Variants in RARS2 observed in about 807,000 individuals in gnomAD.
The protein encoded by RARS2 is probable arginine--tRNA ligase, mitochondrial.
A neutral mutation model predicts 88.5 loss-of-function variants in RARS2; 67 were observed. The ratio of observed to expected loss-of-function variants is 0.76; its 90% CI spans 0.62 to 0.93. The LOEUF (loss-of-function observed/expected upper bound fraction) is 0.93. Among genes scored for constraint, RARS2 ranks in the 40% least tolerant of loss-of-function variants. The probability of loss-of-function intolerance (pLI) is 0.00; values close to 1 mark genes in which losing one functional copy is unlikely to be tolerated. For missense variants in RARS2, 664 were observed against 684.2 expected (o/e 0.97, Z 0.33); for synonymous variants, 239 against 230.3 (o/e 1.04, Z -0.34).
chr6:87,530,985 A>G, intron 8 of RARS2, 43 bp from the exon 9 acceptor site: 1 of 1,610,996 alleles, frequency 6.2e-7, no homozygotes, highest in Non-Finnish European at 8.5e-7. Context: ...ATAACAGGTC[A>G]TTGTTATCTC....
chr6:87,518,643 C>T lies in RARS2; in HGVS notation c.1402G>A (p.Ala468Thr), dbSNP rs752396603. 1.1e-5 allele frequency: 18 copies of T among 1,612,504 alleles called. No individual in the cohort carries two copies. In the South Asian group the frequency reaches 1.5e-4, roughly 14 times the overall value. The change falls in exon 16 of 20, where the codon GCC becomes ACC. Residue 468 changes from alanine (A) to threonine (T), a missense_variant. Ala to Thr is a moderately conservative substitution (Grantham distance 58, BLOSUM62 0). Coordinates refer to ENST00000369536, the MANE Select transcript of RARS2 (RefSeq NM_020320.5). ...DTGVFLQYTH[A>T]RLHSLEETFG... ...GCCTCTTCTCACCTGTGGAGGCGGG[C>T]GTGTGTGTACTGTAGGAAGACTCCT...
intron 10 of RARS2, among the ~76,000 whole-genome samples, chr6:87,527,372 T>A (rs979565271): frequency 6.6e-6 from 1 of 152,142 alleles, no homozygotes; most frequent in Admixed American, 6.5e-5. Flanking sequence ...CATATCCATA[T>A]GCAGAAGAAT....
chr6:87,523,778 T>C (rs185924247), intron 11 of RARS2, among the ~76,000 whole-genome samples: 187 of 152,306 alleles, frequency 1.2e-3, no homozygotes, highest in Non-Finnish European at 1.7e-3. Context: ...CACTGTGCAA[T>C]AGTTTATTTA....
intron 4 of RARS2, 58 bp from the exon 5 acceptor site, chr6:87,555,563 T>A: frequency 7.6e-7 from 1 of 1,311,702 alleles, no homozygotes; most frequent in Non-Finnish European, 1.1e-6. Flanking sequence ...TTAATTACTC[T>A]GTTACTGAGA....
At chr6:87,535,850 G>A (rs1164973571) in intron 8 of RARS2, among the ~76,000 whole-genome samples, 1 of 150,316 alleles carries the variant, frequency 6.7e-6, no homozygotes, top group East Asian at 1.9e-4. Context: ...CTAATTATTT[G>A]TATTTTTTTT....
chr6:87,540,026 T>C (rs929064824), intron 8 of RARS2, among the ~76,000 whole-genome samples: 1 of 152,118 alleles, frequency 6.6e-6, no homozygotes, highest in African/African-American at 2.4e-5. Flanking sequence ...TTCCTCCCTA[T>C]CAATAAAACT....
intron 7 of RARS2, 94 bp from the exon 8 acceptor site, chr6:87,542,088 C>T (rs1014873382): frequency 5.0e-5 from 47 of 947,128 alleles, no homozygotes; most frequent in Non-Finnish European, 3.0e-5. Flanking sequence ...AAAGACCAAC[C>T]TGTCATATTA....
At chr6:87,515,222 T>C (rs1771174603) in intron 18 of RARS2, among the ~76,000 whole-genome samples, 1 of 152,182 alleles carries the variant, frequency 6.6e-6, no homozygotes. Context: ...AGGTGGGCAA[T>C]TCTTAAGATT....
intron 5 of RARS2, among the ~76,000 whole-genome samples, chr6:87,555,113 A>G (rs1215687397): frequency 6.8e-6 from 1 of 147,236 alleles, no homozygotes. Context: ...ATAAATAAAT[A>G]AATAAATAAA....
intron 8 of RARS2, among the ~76,000 whole-genome samples, chr6:87,540,105 A>C (rs1411719191): frequency 6.6e-6 from 1 of 152,140 alleles, no homozygotes; most frequent in East Asian, 1.9e-4. Flanking sequence ...TTTAGAGTGC[A>C]GTGTTGGCAT....
intron 3 of RARS2, 84 bp from the exon 4 acceptor site, chr6:87,562,869 C>T: frequency 9.5e-7 from 1 of 1,048,354 alleles, no homozygotes; most frequent in African/African-American, 1.6e-5. Context: ...TTTTGGCTTA[C>T]AAAGACACAA....
chr6:87,548,767 AT>A (rs2128127307), intron 5 of RARS2, 121 bp from the exon 6 acceptor site: 1 of 877,818 alleles, frequency 1.1e-6, no homozygotes, highest in East Asian at 2.7e-5. Flanking sequence ...TAGGGCAAAG[AT>A]AAGTTAAAAG....
At position 87,534,519 on chromosome 6, in the gene RARS2, A is replaced by G. The variant is rs143839059; in HGVS notation, c.613-3577T>C. On this transcript the variant is annotated intron_variant, in intron 8 of 19. Coordinates refer to ENST00000369536, the MANE Select transcript of RARS2 (RefSeq NM_020320.5). ...ATAAAAGTATTTTTTGCACATTTCA[A>G]TGGTGTCAGATATTTACTCAGCTAT... is the stretch of plus-strand genomic sequence containing the variant. Among the ~76,000 whole-genome samples the G allele has an allele frequency of 6.8e-4, 104 of 152,312 alleles. 2 individuals are homozygous for G. In the East Asian group the frequency reaches 0.013, roughly 18 times the overall value.
intron 2 of RARS2, among the ~76,000 whole-genome samples, chr6:87,567,255 A>AAAAC (rs59804373): frequency 0.84 from 127,757 of 151,802 alleles, 54,372 homozygotes; most frequent in African/African-American, 0.96. Context: ...CCGCCTCAAA[A>AAAAC]AAACAAAGAA....
chr6:87,584,121 C>T (rs768930169), intron 1 of RARS2, among the ~76,000 whole-genome samples: 3 of 152,114 alleles, frequency 2.0e-5, no homozygotes, highest in Non-Finnish European at 4.4e-5. Context: ...GCTTACTGCC[C>T]ATTATAAAAG....
At chr6:87,561,960 A>T (rs1787968862) in intron 4 of RARS2, among the ~76,000 whole-genome samples, 1 of 152,118 alleles carries the variant, frequency 6.6e-6, no homozygotes, top group Non-Finnish European at 1.5e-5. Context: ...TTGAAAATTC[A>T]TGGCCATTGA....
chr6:87,577,451 C>G (rs914684570), intron 1 of RARS2, among the ~76,000 whole-genome samples: 1 of 152,166 alleles, frequency 6.6e-6, no homozygotes, highest in Non-Finnish European at 1.5e-5. Context: ...CCTGCCCTAG[C>G]CTCCCAAAGT....
intron 5 of RARS2, among the ~76,000 whole-genome samples, chr6:87,550,684 T>G (rs1234677923): frequency 6.7e-6 from 1 of 149,682 alleles, no homozygotes; most frequent in Non-Finnish European, 1.5e-5. Context: ...TTGTATGTAC[T>G]TATCCCTCAA....
At chr6:87,538,994 A>G (rs1780055953) in intron 8 of RARS2, among the ~76,000 whole-genome samples, 1 of 152,116 alleles carries the variant, frequency 6.6e-6, no homozygotes, top group African/African-American at 2.4e-5. Context: ...TGATTGTGCC[A>G]CTATATTCCA....
Sources: allele counts gnomAD v4.1 joint callset (sites outside exome capture counted in the v4.1 genomes callset), GRCh38; gene constraint gnomAD v4.1.1; transcripts MANE v1.5; gene names NCBI Gene and HGNC (gene_info 2026-07-23, HGNC 2026-07-21).